FHIP1A: variants seen among roughly 807,000 people sequenced by gnomAD.
FHIP1A encodes the protein FHF complex subunit HOOK interacting protein 1A.
FHIP1A carries 61 observed loss-of-function variants against 88.6 expected under a neutral mutation model. That is an observed-to-expected ratio of 0.69 (90% CI 0.56 to 0.85). The LOEUF (loss-of-function observed/expected upper bound fraction) is 0.85, where lower values mean the gene tolerates loss of function less well. Ranked by LOEUF, FHIP1A falls within the 40% of genes least tolerant of loss-of-function variation. The pLI is 0.00. For missense variants in FHIP1A, 1,154 were observed against 1,273.5 expected, an observed-to-expected ratio of 0.91 and a Z score of 1.43; for synonymous variants, 478 against 496.0, an observed-to-expected ratio of 0.96 and a Z score of 0.48.
rs528073073 is a variant in FHIP1A, at chr4:151,667,870, T to C, written c.*5116T>C. Among the ~76,000 whole-genome samples the C allele has an allele frequency of 6.6e-6, 1 of 152,304 alleles. No individual in the cohort carries two copies. The highest frequency in any genetic ancestry group is 2.1e-4 in the South Asian group (1 of 4,824). On this transcript the variant is annotated 3_prime_UTR_variant, in exon 14 of 14. Coordinates refer to ENST00000435205, the MANE Select transcript of FHIP1A (RefSeq NM_001109977.3). ...TTTCGGGGAGTTTAGATTTACTGTG[T>C]CATTTCAGAACCCAACAAAGGTGAT...
rs1206292472 is a variant in FHIP1A, at chr4:151,649,718, C to T, written c.1677C>T (p.Pro559=). The T allele has an allele frequency of 5.8e-6, 9 of 1,551,666 alleles. No homozygotes were observed. Among genetic ancestry groups the T allele is most frequent in the Non-Finnish European group, 7.0e-6 (8 of 1,146,984 alleles). Residue 559 remains proline (P), a synonymous_variant, in exon 11 of 14, where the codon CCC becomes CCT. Transcript: ENST00000435205. The part of the protein sequence containing the change: ...CPVFGLPQQL[P]RKTGPQLAPR... Reference sequence around the variant, plus strand: ...TGTTCGGGCTCCCGCAACAACTCCCCAGGAAGACAGGACCTCAGCTGGCTC... The same window carrying T: ...TGTTCGGGCTCCCGCAACAACTCCCTAGGAAGACAGGACCTCAGCTGGCTC...
chr4:151,608,400 T>C (rs907119767), intron 7 of FHIP1A, among the ~76,000 whole-genome samples: 5 of 152,168 alleles, frequency 3.3e-5, no homozygotes, highest in Non-Finnish European at 7.4e-5. Flanking sequence ...CTCAGTTGCT[T>C]ATATAATTGT....
intron 7 of FHIP1A, among the ~76,000 whole-genome samples, chr4:151,596,780 C>T (rs1460084571): frequency 6.6e-6 from 1 of 152,112 alleles, no homozygotes; most frequent in East Asian, 1.9e-4. Flanking sequence ...AGTTGATCTT[C>T]AATCTCTGAT....
intron 3 of FHIP1A, among the ~76,000 whole-genome samples, chr4:151,557,173 T>C (rs1466272381): frequency 6.6e-6 from 1 of 152,218 alleles, no homozygotes; most frequent in African/African-American, 2.4e-5. Flanking sequence ...AAATAATTTT[T>C]ACATAAAAGG....
In FHIP1A at chr4:151,649,547, G is replaced by T; in HGVS notation, c.1506G>T (p.Gln502His). The stretch of plus-strand genomic sequence containing the variant: ...AAGCCCTGGACATCAGCTACCTGCA[G>T]TACCTGTGGGAGGCCCACACCAACA... Reference protein sequence around the residue: ...YGKALDISYLQYLWEAHTNIL... With the variant: ...YGKALDISYLHYLWEAHTNIL... Residue 502 changes from glutamine (Q) to histidine (H), a missense_variant, in exon 11 of 14, where the codon CAG (glutamine) becomes CAT (histidine). By Grantham distance (24) the Gln-to-His change is conservative. Coordinates refer to ENST00000435205, the MANE Select transcript of FHIP1A (RefSeq NM_001109977.3). 2 of 1,551,722 alleles carry T rather than the reference G, an allele frequency of 1.3e-6. No individual in the cohort carries two copies. Among genetic ancestry groups the T allele is most frequent in the Non-Finnish European group, 8.7e-7 (1 of 1,146,990 alleles).
rs1411287565 is a variant in FHIP1A, at chr4:151,666,624, G to C, written c.*3870G>C. Among the ~76,000 whole-genome samples the C allele has an allele frequency of 6.6e-6, 1 of 152,122 alleles. No individual in the cohort carries two copies. Among genetic ancestry groups the C allele is most frequent in the Non-Finnish European group, 1.5e-5 (1 of 68,022 alleles). ...ATTTGGGCAGCCAGTGGGTACTCAG[G>C]GTCGAAAGTTGTTTCCAGTGTCTCC... On this transcript the variant is annotated 3_prime_UTR_variant, in exon 14 of 14. Transcript: ENST00000435205.
chr4:151,476,194 C>T (rs1289332825), intron 2 of FHIP1A, among the ~76,000 whole-genome samples: 5 of 128,632 alleles, frequency 3.9e-5, no homozygotes, highest in South Asian at 2.5e-4. Flanking sequence ...CAGGCTGGAG[C>T]GCAGTGGCAA....
intron 2 of FHIP1A, among the ~76,000 whole-genome samples, chr4:151,469,472 T>C (rs559941679): frequency 2.0e-4 from 30 of 152,264 alleles, no homozygotes; most frequent in Non-Finnish European, 2.1e-4. Flanking sequence ...TTTTTACAGG[T>C]GATGACACTA....
At chr4:151,513,337 A>C (rs940316852) in intron 3 of FHIP1A, among the ~76,000 whole-genome samples, 1 of 152,246 alleles carries the variant, frequency 6.6e-6, no homozygotes, top group African/African-American at 2.4e-5. Flanking sequence ...AGTACCAGCC[A>C]CTGCAAAATC....
chr4:151,618,927 C>G (rs571610694), intron 7 of FHIP1A, among the ~76,000 whole-genome samples: 1 of 152,266 alleles, frequency 6.6e-6, no homozygotes, highest in African/African-American at 2.4e-5. Flanking sequence ...TTTGTGATTC[C>G]CTGATCAGCA....
chr4:151,437,712 C>G (rs1728253918), intron 1 of FHIP1A, among the ~76,000 whole-genome samples: 1 of 152,092 alleles, frequency 6.6e-6, no homozygotes, highest in South Asian at 2.1e-4. Flanking sequence ...CATGGGTGGA[C>G]ACACCCATAG....
chr4:151,585,876 C>T (rs1016881745), intron 5 of FHIP1A, among the ~76,000 whole-genome samples: 6 of 152,036 alleles, frequency 3.9e-5, no homozygotes, highest in East Asian at 3.9e-4. Flanking sequence ...ATGGTTAGAT[C>T]ACCCTCATAT....
chr4:151,467,124 A>G (rs1161226092), intron 2 of FHIP1A, among the ~76,000 whole-genome samples: 1 of 152,240 alleles, frequency 6.6e-6, no homozygotes, highest in Non-Finnish European at 1.5e-5. Flanking sequence ...AACTTAAATA[A>G]ATTTACAAGA....
intron 3 of FHIP1A, among the ~76,000 whole-genome samples, chr4:151,490,367 G>A (rs1334041073): frequency 6.6e-6 from 1 of 152,146 alleles, no homozygotes; most frequent in Admixed American, 6.6e-5. Flanking sequence ...CCAGCCCAGA[G>A]CCTGGTAGGC....
chr4:151,473,619 T>C (rs1729603457), intron 2 of FHIP1A, among the ~76,000 whole-genome samples: 1 of 152,184 alleles, frequency 6.6e-6, no homozygotes, highest in Admixed American at 6.5e-5. Flanking sequence ...CCTCTCTCTG[T>C]GTGAAAAGCT....
chr4:151,616,455 T>C (rs1232337877), intron 7 of FHIP1A, among the ~76,000 whole-genome samples: 4 of 144,564 alleles, frequency 2.8e-5, no homozygotes, highest in Non-Finnish European at 6.1e-5. Context: ...TTTTTTTTTT[T>C]TTTTTTTTTT....
chr4:151,457,222 A>G (rs1728998271), intron 2 of FHIP1A, among the ~76,000 whole-genome samples: 1 of 152,240 alleles, frequency 6.6e-6, no homozygotes, highest in Non-Finnish European at 1.5e-5. Flanking sequence ...TCCTTTTATC[A>G]TTAATGGAAA....
At chr4:151,473,292 T>C (rs1213404704) in intron 2 of FHIP1A, among the ~76,000 whole-genome samples, 1 of 152,114 alleles carries the variant, frequency 6.6e-6, no homozygotes, top group African/African-American at 2.4e-5. Flanking sequence ...TTTATTAAGG[T>C]GAATTTTTTC....
chr4:151,431,718 A>G (rs1403006482), intron 1 of FHIP1A, among the ~76,000 whole-genome samples: 1 of 152,208 alleles, frequency 6.6e-6, no homozygotes, highest in African/African-American at 2.4e-5. Flanking sequence ...ATCCCCTACT[A>G]TTTTAAATAA....
Sources: allele counts gnomAD v4.1 joint callset (sites outside exome capture counted in the v4.1 genomes callset), GRCh38; gene constraint gnomAD v4.1.1; transcripts MANE v1.5; gene names NCBI Gene and HGNC (gene_info 2026-07-23, HGNC 2026-07-21).